Variants in IDO2 observed in about 807,000 individuals in gnomAD.
IDO2 encodes the protein indoleamine 2,3-dioxygenase 2, also known as indoleamine 2,3-dioxygenase-like 1 protein.
Under a neutral mutation model 45.1 loss-of-function variants are expected in IDO2, and 46 were observed. That is an observed-to-expected ratio of 1.02 (90% confidence interval 0.80 to 1.30). The LOEUF (loss-of-function observed/expected upper bound fraction) is 1.30. IDO2 is among the 50% of genes most tolerant of loss of function. The probability of loss-of-function intolerance (pLI) is 0.00; values close to 1 mark genes in which losing one functional copy is unlikely to be tolerated. For missense variants in IDO2, 544 were observed against 491.8 expected, an observed-to-expected ratio of 1.11 and a Z score of -1.00; for synonymous variants, 218 against 184.9, an observed-to-expected ratio of 1.18 and a Z score of -1.45.
chr8:39,954,759 A>G (rs1389450646), intron 2 of IDO2, among the ~76,000 whole-genome samples: 1 of 147,846 alleles, frequency 6.8e-6, no homozygotes, highest in East Asian at 2.0e-4. Flanking sequence ...GGGTTCAAGC[A>G]ATTCTCCTGC....
intron 9 of IDO2, among the ~76,000 whole-genome samples, chr8:40,012,408 C>A (rs1802322528): frequency 2.0e-5 from 3 of 151,962 alleles, no homozygotes; most frequent in Admixed American, 2.0e-4. Context: ...ACAGTATGAC[C>A]CTGGAACCTT....
chr8:39,975,113 T>C (rs1358583726), intron 3 of IDO2, among the ~76,000 whole-genome samples: 1 of 150,024 alleles, frequency 6.7e-6, no homozygotes, highest in Non-Finnish European at 1.5e-5. Flanking sequence ...AAAGACTCCG[T>C]CTCAAAAAAA....
intron 9 of IDO2, among the ~76,000 whole-genome samples, chr8:40,006,084 C>T (rs1287500778): frequency 6.6e-6 from 1 of 152,224 alleles, no homozygotes; most frequent in East Asian, 1.9e-4. Context: ...CTTGCCAGCA[C>T]CTTGATCTTG....
intron 1 of IDO2, among the ~76,000 whole-genome samples, chr8:39,936,144 T>C (rs920643146): frequency 6.6e-6 from 1 of 152,170 alleles, no homozygotes; most frequent in African/African-American, 2.4e-5. Context: ...CTGGAGGAAA[T>C]ATGAATATGC....
Position 40,014,349 on chromosome 8 carries a change from T to C in IDO2, c.868+636T>C, listed in dbSNP as rs143930854. ...CACGGATTTTGGCATTTGGTGACATTAATGGTTGATTTACTTACCATGCAT... is the reference window on the plus strand; with the variant it reads ...CACGGATTTTGGCATTTGGTGACATCAATGGTTGATTTACTTACCATGCAT... On this transcript the variant is annotated intron_variant, in intron 10 of 10. Transcript: ENST00000502986. Among the ~76,000 whole-genome samples, 1,089 of 152,324 alleles carry C rather than the reference T, an allele frequency of 7.1e-3. 13 individuals carry two copies. Among genetic ancestry groups the C allele is most frequent in the African/African-American group, 0.025 (1,034 of 41,566 alleles).
At chr8:39,972,184 T>C (rs1222532920) in intron 3 of IDO2, among the ~76,000 whole-genome samples, 3 of 152,218 alleles carry the variant, frequency 2.0e-5, no homozygotes, top group Non-Finnish European at 4.4e-5. Context: ...AATTTACTCG[T>C]GGTGAAAATA....
chr8:39,964,244 C>T (rs1041096567), intron 3 of IDO2, among the ~76,000 whole-genome samples: 10 of 152,172 alleles, frequency 6.6e-5, no homozygotes, highest in Admixed American at 6.5e-4. Context: ...TTTGCCATTA[C>T]TTTTAATGAC....
intron 3 of IDO2, among the ~76,000 whole-genome samples, 165 bp downstream of exon 3, chr8:39,963,868 G>A (rs557963992): frequency 2.2e-4 from 33 of 152,162 alleles, no homozygotes; most frequent in Non-Finnish European, 2.2e-4. Context: ...TGACCCCTTC[G>A]TAATCTGATA....
intron 3 of IDO2, among the ~76,000 whole-genome samples, chr8:39,971,056 G>A (rs957203543): frequency 1.6e-4 from 25 of 152,068 alleles, no homozygotes; most frequent in African/African-American, 2.9e-4. Flanking sequence ...GAGCCACTGC[G>A]CCCGGCCCAG....
intron 1 of IDO2, among the ~76,000 whole-genome samples, chr8:39,937,878 G>A (rs1272886149): frequency 1.3e-5 from 2 of 152,062 alleles, no homozygotes; most frequent in African/African-American, 4.8e-5. Context: ...TCCTTACAAT[G>A]TAATGATCAA....
At chr8:39,965,329 T>C (rs748630422) in intron 3 of IDO2, among the ~76,000 whole-genome samples, 1 of 151,930 alleles carries the variant, frequency 6.6e-6, no homozygotes, top group East Asian at 1.9e-4. Flanking sequence ...CTACTAAAAA[T>C]AGAAAAAATT....
intron 9 of IDO2, among the ~76,000 whole-genome samples, chr8:40,010,041 T>TG (rs200916303): frequency 0.015 from 1,113 of 72,760 alleles, 10 homozygotes; most frequent in African/African-American, 0.06. Context: ...ATGCGGTGGG[T>TG]GGGGGGATGG....
chr8:39,937,082 C>CT (rs1204355240), intron 1 of IDO2, among the ~76,000 whole-genome samples: 1 of 152,208 alleles, frequency 6.6e-6, no homozygotes, highest in Non-Finnish European at 1.5e-5. Flanking sequence ...ACAGCTACAA[C>CT]TTTGGGACAA....
intron 2 of IDO2, among the ~76,000 whole-genome samples, chr8:39,951,629 T>C (rs184968151): frequency 5.3e-4 from 81 of 152,286 alleles, no homozygotes; most frequent in Non-Finnish European, 1.1e-3. Flanking sequence ...GTGAAAGCAT[T>C]TTCATAAATC....
At chr8:39,973,973 C>T (rs1270978502) in intron 3 of IDO2, among the ~76,000 whole-genome samples, 1 of 152,104 alleles carries the variant, frequency 6.6e-6, no homozygotes, top group East Asian at 1.9e-4. Context: ...TTCCTGACCT[C>T]AAGTGATCCA....
At chr8:39,961,150 T>C (rs941786399) in intron 2 of IDO2, among the ~76,000 whole-genome samples, 2 of 152,154 alleles carry the variant, frequency 1.3e-5, no homozygotes, top group African/African-American at 2.4e-5. Context: ...ATGTTTTTGA[T>C]CTGTATTGCT....
Position 40,015,518 on chromosome 8 carries a change from G to A in IDO2, c.1140G>A (p.Arg380=), listed in dbSNP as rs1381206625. 8.7e-6 allele frequency: 14 copies of A among 1,613,980 alleles called. No individual in the cohort carries two copies. Among genetic ancestry groups the A allele is most frequent in the African/African-American group, 1.3e-5 (1 of 75,040 alleles). The change falls in exon 11 of 11, where the codon AGG becomes AGA. Residue 380 remains arginine (R), a synonymous_variant. Coordinates refer to ENST00000502986, the Ensembl canonical transcript of IDO2. ...GGCCTCCTCAGGCTTTAAAAGACAG[G>A]GGCACAGGTGGAACCGCAGTTATGA...
At chr8:39,967,955 C>G (rs1808115903) in intron 3 of IDO2, among the ~76,000 whole-genome samples, 1 of 151,800 alleles carries the variant, frequency 6.6e-6, no homozygotes, top group Non-Finnish European at 1.5e-5. Flanking sequence ...TAAAATGAAA[C>G]ATAGATTTAC....
intron 1 of IDO2, among the ~76,000 whole-genome samples, chr8:39,948,556 A>G (rs1299654551): frequency 1.3e-5 from 2 of 152,232 alleles, no homozygotes; most frequent in Non-Finnish European, 2.9e-5. Flanking sequence ...GCTTACTTAT[A>G]AACTGTCCTG....
Sources: gnomAD v4.1 joint callset for allele counts (sites outside exome capture counted in the v4.1 genomes callset) on GRCh38, gnomAD v4.1.1 for gene constraint, MANE v1.5 for transcripts, NCBI Gene and HGNC (gene_info 2026-07-23, HGNC 2026-07-21) for gene names.